The following AKAP6 variants were observed in gnomAD, a reference collection of about 807,000 sequenced individuals.
AKAP6 encodes the protein A-kinase anchoring protein 6, also known as A-kinase anchor protein 6.
In AKAP6, 58 loss-of-function variants were observed where a neutral mutation model predicts 188.5. The observed-to-expected ratio is 0.31, with a 90% confidence interval of 0.25 to 0.38. AKAP6 has a LOEUF of 0.38. Among genes scored for constraint, AKAP6 ranks in the 10% least tolerant of loss-of-function variants. The pLI, the probability that AKAP6 is intolerant of heterozygous loss-of-function variation, is 1.00. For missense variants in AKAP6, 2,710 were observed against 2,740.0 expected (o/e 0.99, Z 0.24); for synonymous variants, 989 against 998.6 (o/e 0.99, Z 0.18).
At chr14:32,522,112 G>A (rs1015768270) in intron 2 of AKAP6, among the ~76,000 whole-genome samples, 3 of 152,204 alleles carry the variant, frequency 2.0e-5, no homozygotes, top group Admixed American at 2.0e-4. Context: ...TTAATAAATG[G>A]TGCTGGGAAA....
At chr14:32,817,224 A>G (rs755031917) in intron 12 of AKAP6, among the ~76,000 whole-genome samples, 7 of 152,190 alleles carry the variant, frequency 4.6e-5, no homozygotes, top group African/African-American at 7.2e-5. Context: ...ACCTAACTCA[A>G]TTAAAGCCAT....
intron 1 of AKAP6, among the ~76,000 whole-genome samples, chr14:32,386,271 A>C (rs910223955): frequency 6.6e-5 from 10 of 151,804 alleles, no homozygotes; most frequent in Non-Finnish European, 1.3e-4. Context: ...AACATCTATT[A>C]TTTTTTTATT....
Position 32,545,857 on chromosome 14 carries a change from A to C in AKAP6, c.1204A>C (p.Lys402Gln). The change falls in exon 4 of 14, where the codon AAG (lysine) becomes CAG (glutamine). Residue 402 changes from lysine to glutamine, a missense_variant. By Grantham distance (53) the Lys-to-Gln change is moderately conservative (BLOSUM62 1). This residue lies in a region of AKAP6 where 2,473 missense variants were observed against 2,426.1 expected (regional missense o/e 1.02). Transcript: ENST00000280979. ...RGLFLKEETF[K>Q]NDLKGNGGKR... is the part of the protein sequence containing the mutation. ...ACTTTTTCTTAAAGAGGAAACTTTT[A>C]AGAATGATCTGAAAGGCAATGGTGG... 1 of 1,614,256 alleles carries C rather than the reference A, an allele frequency of 6.2e-7. No homozygotes were observed. The highest frequency in any genetic ancestry group is 1.1e-5 in the South Asian group (1 of 91,088).
chr14:32,605,290 A>G (rs2139365475), intron 7 of AKAP6, among the ~76,000 whole-genome samples: 1 of 152,318 alleles, frequency 6.6e-6, no homozygotes, highest in South Asian at 2.1e-4. Flanking sequence ...ACAGGGAGGC[A>G]TTCTTGTTTT....
At chr14:32,681,528 A>T (rs1253011329) in intron 8 of AKAP6, among the ~76,000 whole-genome samples, 1 of 152,162 alleles carries the variant, frequency 6.6e-6, no homozygotes, top group Non-Finnish European at 1.5e-5. Flanking sequence ...CATATTCCAT[A>T]CTGTATGAAA....
intron 7 of AKAP6, among the ~76,000 whole-genome samples, chr14:32,630,516 AG>A (rs569525255): frequency 9.8e-4 from 149 of 152,196 alleles, no homozygotes; most frequent in African/African-American, 3.3e-3. Flanking sequence ...ACAGTAGTTC[AG>A]GGGAAAAAAG....
In AKAP6 at chr14:32,721,348, C is replaced by T. The variant is rs143947459; in HGVS notation, c.3001-11106C>T. On this transcript the variant is annotated intron_variant, in intron 9 of 13. Transcript: ENST00000280979. ...TAAAATGCACATCTTCGATATCTAC[C>T]GAAGAAAGTCTGTATTGATGAAGGA... 9.3e-4 allele frequency among the ~76,000 whole-genome samples: 141 copies of T among 152,204 alleles called. 1 individual carries two copies. Among genetic ancestry groups the T allele is most frequent in the African/African-American group, 3.3e-3 (136 of 41,534 alleles).
chr14:32,583,801 G>A (rs539239703), intron 5 of AKAP6, among the ~76,000 whole-genome samples: 13 of 149,742 alleles, frequency 8.7e-5, no homozygotes, highest in South Asian at 4.2e-4. Flanking sequence ...ATAATCTCCC[G>A]GTGCGCCGTT....
At chr14:32,671,381 G>C (rs1419857433) in intron 7 of AKAP6, among the ~76,000 whole-genome samples, 1 of 152,104 alleles carries the variant, frequency 6.6e-6, no homozygotes, top group East Asian at 1.9e-4. Flanking sequence ...GTTGTAAACA[G>C]CAAGTATAAA....
At chr14:32,397,102 C>T (rs1007733247) in intron 1 of AKAP6, among the ~76,000 whole-genome samples, 3 of 152,148 alleles carry the variant, frequency 2.0e-5, no homozygotes, top group Non-Finnish European at 4.4e-5. Flanking sequence ...GCTTCCAATT[C>T]AGTAGCTCTG....
chr14:32,593,779 G>C (rs944330183), intron 5 of AKAP6, among the ~76,000 whole-genome samples: 3 of 152,122 alleles, frequency 2.0e-5, no homozygotes, highest in Non-Finnish European at 2.9e-5. Context: ...GCACACACTT[G>C]AGGCAAAAGG....
chr14:32,717,633 C>CAT (rs1365838518), intron 9 of AKAP6, among the ~76,000 whole-genome samples: 2 of 151,738 alleles, frequency 1.3e-5, no homozygotes, highest in Non-Finnish European at 2.9e-5. Flanking sequence ...CACACACACA[C>CAT]ACATTCTGTT....
intron 2 of AKAP6, among the ~76,000 whole-genome samples, chr14:32,522,226 A>G (rs188474832): frequency 5.3e-5 from 8 of 152,380 alleles, no homozygotes; most frequent in Non-Finnish European, 1.5e-5. Flanking sequence ...ACCTAAAACC[A>G]TAAAAACCCT....
Position 32,678,149 on chromosome 14 carries a change from A to G in AKAP6, c.2731-162A>G, listed in dbSNP as rs980033852. Among the ~76,000 whole-genome samples the G allele has an allele frequency of 2.0e-5, 3 of 152,244 alleles. No homozygotes were observed. The South Asian group carries it at 6.2e-4, about 31-fold the overall frequency. ...GGAGGAACTTATAAGATTCAGATCTAAAATATAATTCTGTAATATGCCCAA... is the reference window on the plus strand; with the variant it reads ...GGAGGAACTTATAAGATTCAGATCTGAAATATAATTCTGTAATATGCCCAA... On this transcript the variant is annotated intron_variant, in intron 7 of 13. Transcript: ENST00000280979.
chr14:32,728,391 T>TATCA (rs1240271872), intron 9 of AKAP6, among the ~76,000 whole-genome samples: 1 of 137,224 alleles, frequency 7.3e-6, no homozygotes, highest in Non-Finnish European at 1.6e-5. Flanking sequence ...TCTATCTATC[T>TATCA]ATCAATCGTA....
intron 7 of AKAP6, among the ~76,000 whole-genome samples, chr14:32,643,386 C>CA (rs1346040152): frequency 6.6e-6 from 1 of 151,964 alleles, no homozygotes; most frequent in Non-Finnish European, 1.5e-5. Context: ...CGGCTCACTG[C>CA]AACCTCTGCC....
Position 32,704,552 on chromosome 14 carries a change from T to C in AKAP6, c.3000+8442T>C, listed in dbSNP as rs377199602. Among the ~76,000 whole-genome samples, 42 of 152,328 alleles carry C rather than the reference T, an allele frequency of 2.8e-4. 2 individuals carry two copies. The East Asian group carries it at 3.9e-3, about 14-fold the overall frequency. On this transcript the variant is annotated intron_variant, in intron 9 of 13. Coordinates refer to ENST00000280979, the MANE Select transcript of AKAP6 (RefSeq NM_004274.5). The stretch of plus-strand genomic sequence containing the variant: ...CCCTCACCTACTTTTTAGTATGTCC[T>C]GTTTTTAAATTACTTATCTTTAGTG...
chr14:32,390,411 G>A (rs1469313314), intron 1 of AKAP6, among the ~76,000 whole-genome samples: 2 of 152,126 alleles, frequency 1.3e-5, no homozygotes, highest in South Asian at 4.1e-4. Flanking sequence ...TTTTTTGGAG[G>A]TGTTAAAGAA....
chr14:32,692,595 T>C (rs1347856157), intron 8 of AKAP6, among the ~76,000 whole-genome samples: 1 of 152,214 alleles, frequency 6.6e-6, no homozygotes, highest in Non-Finnish European at 1.5e-5. Flanking sequence ...TATTGGTCTT[T>C]GGCGATGAGA....
Sources: allele counts gnomAD v4.1 joint callset (sites outside exome capture counted in the v4.1 genomes callset), GRCh38; gene constraint gnomAD v4.1.1; regional missense constraint gnomAD v4.1.1; transcripts MANE v1.5; gene names NCBI Gene and HGNC (gene_info 2026-07-23, HGNC 2026-07-21).